Variants in CTNNA2 observed in about 807,000 individuals in gnomAD.
CTNNA2 encodes the protein catenin alpha-2.
Under a neutral mutation model 101.0 loss-of-function variants are expected in CTNNA2, and 42 were observed. That is an observed-to-expected ratio of 0.42 (90% CI 0.32 to 0.54). The LOEUF is 0.54. CTNNA2 is among the 20% of genes least tolerant of loss of function. The pLI is 0.14. For missense variants in CTNNA2, 871 were observed against 1,223.1 expected (o/e 0.71, Z 4.29); for synonymous variants, 450 against 456.4 (o/e 0.99, Z 0.18).
intron 7 of CTNNA2, among the ~76,000 whole-genome samples, chr2:80,188,509 A>C (rs1530397): frequency 0.21 from 32,335 of 152,018 alleles, 4,983 homozygotes; most frequent in African/African-American, 0.43. Flanking sequence ...TTAGAAGTCC[A>C]ATATGGTCTC....
In CTNNA2 at chr2:80,226,685, G is replaced by A. The variant is rs143570289; in HGVS notation, c.1057-166526G>A. 2.4e-4 allele frequency among the ~76,000 whole-genome samples: 36 copies of A among 152,190 alleles called. No individual in the cohort carries two copies. In the South Asian group the frequency reaches 3.5e-3, roughly 15 times the overall value. ...GAGCTTGAATTTGGGAAGCCTTTTC[G>A]TACAGGAAGGACCTGATGGAGGTCC... On this transcript the variant is annotated intron_variant, in intron 7 of 18. Transcript: ENST00000402739.
chr2:79,551,455 TCAAG>T (rs1674094854), intron 1 of CTNNA2, among the ~76,000 whole-genome samples: 1 of 151,898 alleles, frequency 6.6e-6, no homozygotes, highest in Non-Finnish European at 1.5e-5. Context: ...AAATGCAGAG[TCAAG>T]CAAGCAGTCA....
Position 79,697,372 on chromosome 2 carries a change from A to G in CTNNA2, c.102+45714A>G, listed in dbSNP as rs77794825. 1.0e-2 allele frequency among the ~76,000 whole-genome samples: 1,516 copies of G among 152,150 alleles called. 25 individuals carry two copies. The highest frequency in any genetic ancestry group is 0.034 in the African/African-American group (1,399 of 41,558). ...CATTTCTTGTGTATTATACACCCAC[A>G]TGTTCTTCTGGAAACTCTGCCTGCA... On this transcript the variant is annotated intron_variant, in intron 2 of 18. Coordinates refer to ENST00000402739, the MANE Select transcript of CTNNA2 (RefSeq NM_001282597.3).
intron 9 of CTNNA2, among the ~76,000 whole-genome samples, chr2:80,481,568 T>C (rs191994371): frequency 5.3e-4 from 81 of 152,244 alleles, no homozygotes; most frequent in Middle Eastern, 6.8e-3. Context: ...GGTAAACAGA[T>C]TGGTCTAACA....
chr2:80,590,173 G>A (rs1266640312), intron 15 of CTNNA2, among the ~76,000 whole-genome samples: 2 of 151,998 alleles, frequency 1.3e-5, no homozygotes, highest in Non-Finnish European at 2.9e-5. Context: ...TTGCATTTTG[G>A]TCTCTTCTTT....
chr2:80,481,780 A>C (rs1686167113), intron 9 of CTNNA2, among the ~76,000 whole-genome samples: 1 of 152,150 alleles, frequency 6.6e-6, no homozygotes, highest in East Asian at 1.9e-4. Flanking sequence ...ATTAAGAACC[A>C]AGGTTTAATG....
chr2:79,417,972 A>G (rs886614290), intron 4 of CTNNA2, among the ~76,000 whole-genome samples: 2 of 152,064 alleles, frequency 1.3e-5, no homozygotes, highest in Non-Finnish European at 2.9e-5. Flanking sequence ...TATTCAAATC[A>G]ATATCAAAGG....
chr2:79,187,325 A>G (rs1284867214), intron 1 of CTNNA2, among the ~76,000 whole-genome samples: 1 of 130,256 alleles, frequency 7.7e-6, no homozygotes, highest in African/African-American at 3.0e-5. Flanking sequence ...GCTGGAGTGC[A>G]GTGGCACAAT....
chr2:79,491,936 C>T (rs545083688), intron 4 of CTNNA2, among the ~76,000 whole-genome samples: 4 of 152,214 alleles, frequency 2.6e-5, no homozygotes, highest in Non-Finnish European at 4.4e-5. Context: ...CTGTAGATTT[C>T]GGATGTCTAG....
chr2:79,246,282 G>T (rs1473438935), intron 2 of CTNNA2, among the ~76,000 whole-genome samples: 1 of 152,066 alleles, frequency 6.6e-6, no homozygotes, highest in African/African-American at 2.4e-5. Flanking sequence ...CTGGACACTA[G>T]GAAGGTCCAG....
intron 3 of CTNNA2, among the ~76,000 whole-genome samples, chr2:79,843,209 T>G (rs2103855348): frequency 6.6e-6 from 1 of 152,332 alleles, no homozygotes; most frequent in Non-Finnish European, 1.5e-5. Flanking sequence ...TGGTGGAAAG[T>G]TGATGTGATG....
intron 8 of CTNNA2, among the ~76,000 whole-genome samples, chr2:80,404,201 A>G (rs1200504965): frequency 6.6e-6 from 1 of 152,088 alleles, no homozygotes; most frequent in African/African-American, 2.4e-5. Flanking sequence ...TGTTTATAGT[A>G]TTCTCTGATG....
intron 2 of CTNNA2, among the ~76,000 whole-genome samples, chr2:79,690,600 C>T (rs1449819522): frequency 5.3e-5 from 8 of 151,944 alleles, no homozygotes; most frequent in South Asian, 2.1e-4. Flanking sequence ...AATAAGCATA[C>T]GTGTGCATGT....
At chr2:79,338,295 T>G (rs981460384) in intron 3 of CTNNA2, among the ~76,000 whole-genome samples, 1 of 148,886 alleles carries the variant, frequency 6.7e-6, no homozygotes, top group Non-Finnish European at 1.5e-5. Flanking sequence ...AATGTGTGTG[T>G]GTCCATGTGT....
intron 6 of CTNNA2, among the ~76,000 whole-genome samples, chr2:79,898,535 T>C (rs564201745): frequency 2.0e-5 from 3 of 152,236 alleles, no homozygotes; most frequent in East Asian, 3.9e-4. Context: ...TCTCAAGTCT[T>C]CCACTGTGTG....
chr2:80,561,340 G>T (rs560662172), intron 12 of CTNNA2, among the ~76,000 whole-genome samples: 1 of 152,152 alleles, frequency 6.6e-6, no homozygotes, highest in Non-Finnish European at 1.5e-5. Flanking sequence ...AATAGATAAC[G>T]TATAATTTGT....
chr2:79,420,948 G>A (rs932034891), intron 4 of CTNNA2, among the ~76,000 whole-genome samples: 1 of 152,122 alleles, frequency 6.6e-6, no homozygotes, highest in Non-Finnish European at 1.5e-5. Context: ...GTAACTTCAA[G>A]TAGCATTTTA....
intron 7 of CTNNA2, among the ~76,000 whole-genome samples, chr2:79,918,415 CCCAGCTAGATGG>C (rs1686413761): frequency 6.6e-6 from 1 of 152,142 alleles, no homozygotes; most frequent in East Asian, 1.9e-4. Context: ...AGCCTGATGA[CCCAGCTAGATGG>C]CCAGCTAGAT....
chr2:79,807,851 G>A (rs1443119387), intron 3 of CTNNA2, among the ~76,000 whole-genome samples: 1 of 152,114 alleles, frequency 6.6e-6, no homozygotes, highest in Non-Finnish European at 1.5e-5. Flanking sequence ...TAGTCTTCTA[G>A]TATGGTAACT....
Sources: allele counts gnomAD v4.1 joint callset (sites outside exome capture counted in the v4.1 genomes callset), GRCh38; gene constraint gnomAD v4.1.1; transcripts MANE v1.5; gene names NCBI Gene and HGNC (gene_info 2026-07-23, HGNC 2026-07-21).